The following GNL3L variants were observed in gnomAD, a reference collection of about 807,000 sequenced individuals.
GNL3L encodes the protein G protein nucleolar 3 like.
GNL3L carries 4 observed loss-of-function variants against 42.9 expected under a neutral mutation model. The ratio of observed to expected loss-of-function variants is 0.09; its 90% CI spans 0.05 to 0.21. The LOEUF (loss-of-function observed/expected upper bound fraction) is 0.21, where lower values mean the gene tolerates loss of function less well. Among genes scored for constraint, GNL3L ranks in the 10% least tolerant of loss-of-function variants. The probability of loss-of-function intolerance (pLI) is 1.00; values close to 1 mark genes in which losing one functional copy is unlikely to be tolerated. For synonymous variants in GNL3L, 159 were observed against 176.3 expected (o/e 0.90, Z 0.78); for missense variants, 412 against 481.7 (o/e 0.86, Z 1.36).
At chrX:54,603,220 C>A (rs1021244960) in intron 16 of GNL3L, among the ~76,000 whole-genome samples, 4 of 110,928 alleles carry the variant, frequency 3.6e-5, no homozygotes, top group Non-Finnish European at 7.5e-5. Flanking sequence ...TAATATAACT[C>A]ATTGAATAAA....
chrX:54,623,790 T>A (rs974945408), downstream of GNL3L, among the ~76,000 whole-genome samples: 14 of 112,194 alleles, frequency 1.2e-4, no homozygotes, highest in African/African-American at 4.5e-4. Flanking sequence ...ATTATTTTTT[T>A]AATTTCCATT....
chrX:54,620,769 T>C (rs1177789757), intron 16 of GNL3L, among the ~76,000 whole-genome samples: 1 of 112,048 alleles, frequency 8.9e-6, no homozygotes, highest in Non-Finnish European at 1.9e-5. Flanking sequence ...CGTGTGAGGT[T>C]CCCTTTTCTC....
At chrX:54,644,330 C>T in the GNL3L span, among the ~76,000 whole-genome samples, 1 of 112,152 alleles carries the variant, frequency 8.9e-6, no homozygotes, top group Non-Finnish European at 1.9e-5. Context: ...ATTACAAATA[C>T]TTTACCCACT....
At chrX:54,624,330 C>T (rs1926327169), downstream of GNL3L, among the ~76,000 whole-genome samples, 1 of 111,476 alleles carries the variant, frequency 9.0e-6, no homozygotes, top group Non-Finnish European at 1.9e-5. Context: ...AACAAAGTAC[C>T]ATAGGCTGGG....
At chrX:54,534,755 T>C (rs1170308388) in intron 2 of GNL3L, among the ~76,000 whole-genome samples, 1 of 111,295 alleles carries the variant, frequency 9.0e-6, no homozygotes, top group Admixed American at 9.6e-5. Flanking sequence ...GGCTCCTGAG[T>C]GCTGGGAGGG....
chrX:54,548,465 T>C, intron 9 of GNL3L, 92 bp downstream of exon 9: 1 of 738,714 alleles, frequency 1.4e-6, no homozygotes, highest in Non-Finnish European at 2.0e-6. Context: ...CATTGTCTTT[T>C]GCGGGGAGAG....
At chrX:54,593,924 TA>T (rs1036493880) in intron 16 of GNL3L, among the ~76,000 whole-genome samples, 4 of 111,697 alleles carry the variant, frequency 3.6e-5, no homozygotes, top group African/African-American at 9.7e-5. Flanking sequence ...TTCCCCTTTT[TA>T]TTGATTTCTA....
At position 54,551,685 on chromosome X, in the gene GNL3L, G is replaced by C. The variant is rs1247535436; in HGVS notation, c.981G>C (p.Lys327Asn). 1 of 1,211,726 alleles carries C rather than the reference G, an allele frequency of 8.3e-7. No homozygotes were observed. The highest frequency in any genetic ancestry group is 1.1e-6 in the Non-Finnish European group (1 of 895,293). ...TGCGTAACTGCGTCCACGTGCAGAA[G>C]CTGGCAGACCCTGTGACCCCAGTGG... ...TILRNCVHVQ[K>N]LADPVTPVET... Residue 327 changes from lysine to asparagine, a missense_variant, in exon 11 of 16, where the codon AAG (lysine) becomes AAC (asparagine). Physicochemically the swap from Lys to Asn is moderately conservative, Grantham distance 94. Transcript: ENST00000360845.
At chrX:54,633,301 C>T in the GNL3L span, among the ~76,000 whole-genome samples, 243 of 111,850 alleles carry the variant, frequency 2.2e-3, 1 homozygote, top group Non-Finnish European at 3.9e-3. Context: ...TTTTCTCCTT[C>T]CTTGGAGCAG....
chrX:54,613,341 A>G (rs1400062502), intron 16 of GNL3L, among the ~76,000 whole-genome samples: 1 of 111,368 alleles, frequency 9.0e-6, no homozygotes, highest in African/African-American at 3.3e-5. Context: ...CAATTCTTGT[A>G]TCATGTTTTT....
chrX:54,540,471 G>A (rs759172200), intron 4 of GNL3L, among the ~76,000 whole-genome samples: 2 of 111,934 alleles, frequency 1.8e-5, no homozygotes, highest in Admixed American at 9.5e-5. Context: ...CACTGCCCCT[G>A]CTGGCCTCAT....
intron 16 of GNL3L, among the ~76,000 whole-genome samples, chrX:54,590,839 T>TTCAG (rs1283032186): frequency 9.0e-6 from 1 of 110,603 alleles, no homozygotes; most frequent in Non-Finnish European, 1.9e-5. Context: ...CATTCATTCA[T>TTCAG]TCAGTCAGTC....
chrX:54,544,425 A>G, intron 8 of GNL3L, 99 bp downstream of exon 8: 1 of 454,810 alleles, frequency 2.2e-6, no homozygotes, highest in Non-Finnish European at 3.9e-6. Context: ...CCCTTTAGTA[A>G]TTGAACTGGG....
At chrX:54,590,763 G>GTATT (rs781249670) in intron 16 of GNL3L, among the ~76,000 whole-genome samples, 18 of 110,579 alleles carry the variant, frequency 1.6e-4, no homozygotes, top group South Asian at 7.4e-4. Flanking sequence ...TTAGATTTAT[G>GTATT]TATTTATTTA....
At chrX:54,614,538 C>A (rs1926200112) in intron 16 of GNL3L, among the ~76,000 whole-genome samples, 1 of 111,332 alleles carries the variant, frequency 9.0e-6, no homozygotes, top group Admixed American at 9.5e-5. Flanking sequence ...CGCTGGATCC[C>A]TGTGGTGCCA....
rs983425176 is a variant in GNL3L, at chrX:54,563,789, GAAAA to G, written c.*3193_*3196del. ...CAACAGAGTGAGACTGTCTCAGGGG[GAAAA>G]AAAAAGAGGAAAACAAAAAAGACGT... On this transcript the variant is annotated 3_prime_UTR_variant, in exon 16 of 16. Coordinates refer to ENST00000360845, the MANE Select transcript of GNL3L (RefSeq NM_001184819.2). 1.0e-4 allele frequency among the ~76,000 whole-genome samples: 11 copies of G among 107,740 alleles called. No homozygotes were observed. Among genetic ancestry groups the G allele is most frequent in the African/African-American group, 3.7e-4 (11 of 29,435 alleles). The allele number at this position is 107,740 out of a possible 115,157, so 93.6% of individuals were successfully genotyped here. A position where few individuals can be genotyped will look rare whatever the true frequency, so the allele number is the denominator to read the frequency against.
At chrX:54,625,916 G>A (rs1285470052), downstream of GNL3L, among the ~76,000 whole-genome samples, 2 of 110,530 alleles carry the variant, frequency 1.8e-5, no homozygotes, top group African/African-American at 3.3e-5. Context: ...TAGTTGACAG[G>A]TAATAATTAT....
rs766343077 is a variant in GNL3L at position 54,551,884 on chromosome X, C to T, written c.1091C>T (p.Thr364Met). ...TTCCAGACCACTGAGCACTTTCTGA[C>T]GGCAGTGGCCCACCGTTTGGGGAAG... ...SGFQTTEHFL[T>M]AVAHRLGKKK... The change falls in exon 12 of 16, where the codon ACG becomes ATG. Residue 364 changes from threonine to methionine, a missense_variant. Coordinates refer to ENST00000360845, the MANE Select transcript of GNL3L (RefSeq NM_001184819.2). 22 of 1,208,661 alleles carry T rather than the reference C, an allele frequency of 1.8e-5. No homozygotes were observed. Among genetic ancestry groups the T allele is most frequent in the East Asian group, 1.2e-4 (4 of 33,756 alleles).
chrX:54,543,106 C>G (rs1924676464), intron 6 of GNL3L, 68 bp downstream of exon 6: 2 of 1,089,415 alleles, frequency 1.8e-6, no homozygotes, highest in Admixed American at 4.5e-5. Flanking sequence ...CTCTCCATTT[C>G]TGTTTTTTCC....
Sources: allele counts gnomAD v4.1 joint callset (sites outside exome capture counted in the v4.1 genomes callset), GRCh38; gene constraint gnomAD v4.1.1; transcripts MANE v1.5; gene names NCBI Gene and HGNC (gene_info 2026-07-23, HGNC 2026-07-21).